The following GRM5 variants were observed in gnomAD, a reference collection of about 807,000 sequenced individuals.
GRM5 encodes metabotropic glutamate receptor 5.
GRM5 carries 19 observed loss-of-function variants against 83.1 expected under a neutral mutation model. The ratio of observed to expected loss-of-function variants is 0.23; its 90% CI spans 0.16 to 0.34. GRM5 has a LOEUF of 0.34. GRM5 is among the 10% of genes least tolerant of loss of function. The pLI is 1.00. For synonymous variants in GRM5, 675 were observed against 633.6 expected (o/e 1.07, Z -0.98); for missense variants, 1,160 against 1,588.3 (o/e 0.73, Z 4.58).
At chr11:88,684,548 C>G (rs1015282128) in intron 3 of GRM5, among the ~76,000 whole-genome samples, 1 of 152,142 alleles carries the variant, frequency 6.6e-6, no homozygotes, top group Non-Finnish European at 1.5e-5. Flanking sequence ...AGGTTTTTGG[C>G]TTGAAGAAGG....
intron 2 of GRM5, among the ~76,000 whole-genome samples, chr11:88,851,315 T>C (rs1324416628): frequency 2.0e-5 from 3 of 152,126 alleles, no homozygotes; most frequent in Non-Finnish European, 4.4e-5. Context: ...TATTACAAGA[T>C]AACCAAGCTG....
intron 3 of GRM5, among the ~76,000 whole-genome samples, chr11:88,745,013 C>G (rs1207192287): frequency 6.6e-6 from 1 of 151,958 alleles, no homozygotes; most frequent in Non-Finnish European, 1.5e-5. Flanking sequence ...TTAATTGATA[C>G]TCAATTATAA....
chr11:89,002,902 C>T (rs1243031111), intron 2 of GRM5, among the ~76,000 whole-genome samples: 2 of 151,974 alleles, frequency 1.3e-5, no homozygotes, highest in South Asian at 2.1e-4. Context: ...ACCCAGAGAA[C>T]CTTATCTAAT....
chr11:88,640,482 G>T (rs1029649046), intron 4 of GRM5, among the ~76,000 whole-genome samples: 2 of 152,138 alleles, frequency 1.3e-5, no homozygotes, highest in Admixed American at 1.3e-4. Flanking sequence ...AATCAGTTCT[G>T]CAGCAAACAC....
chr11:88,679,310 A>C lies in GRM5; in HGVS notation c.912-25907T>G, dbSNP rs185974052. Among the ~76,000 whole-genome samples the C allele has an allele frequency of 5.3e-5, 8 of 152,022 alleles. No individual in the cohort carries two copies. In the East Asian group the frequency reaches 1.6e-3, roughly 29 times the overall value. ...TATATGACTTCTAAATTTCTTGCTT[A>C]AACAACCATTAAGAAAAAGAACACA... On this transcript the variant is annotated intron_variant, in intron 3 of 9. Transcript: ENST00000305447.
chr11:89,013,633 G>C (rs1940769160), intron 2 of GRM5, among the ~76,000 whole-genome samples: 1 of 152,130 alleles, frequency 6.6e-6, no homozygotes, highest in African/African-American at 2.4e-5. Context: ...GAATTATCTT[G>C]CTTCTCAGTG....
chr11:88,938,568 G>A (rs1298772072), intron 2 of GRM5, among the ~76,000 whole-genome samples: 1 of 126,580 alleles, frequency 7.9e-6, no homozygotes, highest in Non-Finnish European at 1.7e-5. Context: ...TTTTTTTAAA[G>A]AAGAAGGTAC....
intron 2 of GRM5, among the ~76,000 whole-genome samples, chr11:88,969,172 A>G (rs1939086757): frequency 6.6e-6 from 1 of 152,088 alleles, no homozygotes; most frequent in African/African-American, 2.4e-5. Context: ...GTTCCCATCA[A>G]TTGTGCATTC....
chr11:88,796,688 T>C (rs1943281326), intron 3 of GRM5, among the ~76,000 whole-genome samples: 1 of 152,152 alleles, frequency 6.6e-6, no homozygotes, highest in African/African-American at 2.4e-5. Flanking sequence ...ATATGTCTTA[T>C]AAATAGGCTA....
intron 7 of GRM5, among the ~76,000 whole-genome samples, chr11:88,574,138 G>C (rs1943058526): frequency 6.6e-6 from 1 of 152,118 alleles, no homozygotes; most frequent in Non-Finnish European, 1.5e-5. Flanking sequence ...CTGATGATAG[G>C]GAGTTTGTCT....
intron 2 of GRM5, among the ~76,000 whole-genome samples, chr11:89,010,214 A>G (rs998228788): frequency 6.6e-6 from 1 of 152,084 alleles, no homozygotes; most frequent in African/African-American, 2.4e-5. Context: ...AAGCATGCCC[A>G]CAGAATACTC....
At position 89,009,929 on chromosome 11, in the gene GRM5, A is replaced by AAAAAAAAAAAAAAAAAC. The variant is rs752780249; in HGVS notation, c.661+37282_661+37283insGTTTTTTTTTTTTTTTT. Reference sequence around the variant, plus strand: ...AAAAAAAAAAAAAAAAAAAAAAAAAAACACACACAAAATCAAAATGTTTAC... The same window carrying AAAAAAAAAAAAAAAAAC: ...AAAAAAAAAAAAAAAAAAAAAAAAAAAAAAAAAAAAAAAAAACACACACACAAAATCAAAATGTTTAC... On this transcript the variant is annotated intron_variant, in intron 2 of 9. Coordinates refer to ENST00000305447, the MANE Select transcript of GRM5 (RefSeq NM_001143831.3). Among the ~76,000 whole-genome samples, 8 of 102,328 alleles carry AAAAAAAAAAAAAAAAAC rather than the reference A, an allele frequency of 7.8e-5. 1 individual carries two copies. The highest frequency in any genetic ancestry group is 3.2e-4 in the East Asian group (1 of 3,078). The allele number at this position is 102,328 out of a possible 152,430, so 67.1% of individuals were successfully genotyped here. A position where few individuals can be genotyped will look rare whatever the true frequency, so the allele number is the denominator to read the frequency against.
intron 6 of GRM5, among the ~76,000 whole-genome samples, chr11:88,593,467 G>C (rs1334973351): frequency 2.0e-5 from 3 of 151,938 alleles, no homozygotes; most frequent in South Asian, 2.1e-4. Flanking sequence ...CACGAGGTCA[G>C]CAGATCGAGA....
chr11:88,967,275 AT>A (rs1379752727), intron 2 of GRM5, among the ~76,000 whole-genome samples: 31 of 129,174 alleles, frequency 2.4e-4, no homozygotes, highest in African/African-American at 8.8e-4. Context: ...ATATATATAT[AT>A]AAAATCTTCT....
chr11:88,916,798 C>T (rs1945601403), intron 2 of GRM5, among the ~76,000 whole-genome samples: 3 of 151,802 alleles, frequency 2.0e-5, no homozygotes, highest in Admixed American at 6.6e-5. Flanking sequence ...CTTGCAACTT[C>T]GGTAACAGCT....
intron 8 of GRM5, among the ~76,000 whole-genome samples, chr11:88,527,164 A>G (rs1941898745): frequency 6.6e-6 from 1 of 152,236 alleles, no homozygotes; most frequent in African/African-American, 2.4e-5. Context: ...GCTCAAGCAA[A>G]ATACTGCTCG....
At chr11:89,043,576 T>G (rs1314754788) in intron 2 of GRM5, among the ~76,000 whole-genome samples, 2 of 151,680 alleles carry the variant, frequency 1.3e-5, no homozygotes, top group East Asian at 3.9e-4. Context: ...GCATGTTATT[T>G]TTTTTTTTTT....
At chr11:88,619,168 A>T (rs1462559054) in intron 4 of GRM5, among the ~76,000 whole-genome samples, 2 of 152,202 alleles carry the variant, frequency 1.3e-5, no homozygotes, top group Non-Finnish European at 2.9e-5. Flanking sequence ...TTAATTCATC[A>T]GGGAAACTGG....
At chr11:88,946,090 A>G (rs944855738) in intron 2 of GRM5, among the ~76,000 whole-genome samples, 16 of 152,102 alleles carry the variant, frequency 1.1e-4, no homozygotes, top group African/African-American at 3.9e-4. Flanking sequence ...ATTAACAGAC[A>G]CTCCTAAAAA....
Sources: allele counts gnomAD v4.1 joint callset (sites outside exome capture counted in the v4.1 genomes callset), GRCh38; gene constraint gnomAD v4.1.1; transcripts MANE v1.5; gene names NCBI Gene and HGNC (gene_info 2026-07-23, HGNC 2026-07-21).